Variants in PLEKHA4 observed in about 807,000 individuals in gnomAD.
The protein encoded by PLEKHA4 is pleckstrin homology domain containing A4, also known as pleckstrin homology domain-containing family A member 4.
Under a neutral mutation model 94.7 loss-of-function variants are expected in PLEKHA4, and 73 were observed. The observed-to-expected ratio is 0.77, with a 90% CI of 0.64 to 0.94. PLEKHA4 has a LOEUF of 0.94. Ranked by LOEUF, PLEKHA4 falls within the 40% of genes least tolerant of loss-of-function variation. The pLI, the probability that PLEKHA4 is intolerant of heterozygous loss-of-function variation, is 0.00. For synonymous variants in PLEKHA4, 449 were observed against 437.1 expected (o/e 1.03, Z -0.34); for missense variants, 1,049 against 1,054.1 (o/e 1.00, Z 0.07).
chr19:48,867,405 G>T lies in PLEKHA4; in HGVS notation c.84+132C>A. 1 of 1,005,502 alleles carries T rather than the reference G, an allele frequency of 9.9e-7. No individual in the cohort carries two copies. Among genetic ancestry groups the T allele is most frequent in the Non-Finnish European group, 1.5e-6 (1 of 689,174 alleles). 62.3% of individuals were successfully genotyped at this position (1,005,502 alleles called of 1,614,324 possible). A position where few individuals can be genotyped will look rare whatever the true frequency, so the allele number is the denominator to read the frequency against. On this transcript the variant is annotated intron_variant, in intron 2 of 19. Transcript: ENST00000263265. This position sits in a 1 kb window ranked among gnomAD's most constrained non-coding sequence, Gnocchi z 4.7. ...CCTAGCTGCGGTGTGTAGGCAATTT[G>T]GGACCTTACTATGTCTGGCAGACCC...
chr19:48,845,385 T>C lies in PLEKHA4; in HGVS notation c.1728A>G (p.Pro576=). Residue 576 remains proline, a synonymous_variant, in exon 16 of 20, where the codon CCA becomes CCG. Transcript: ENST00000263265. ...SSPEGRHLPS[P]QLGTKAPVAR... is the part of the protein sequence containing the mutation. Reference sequence around the variant, plus strand: ...TACAGCTTACCTTGGTTCCTAGCTGTGGGGAAGGGAGGTGGCGACCCTCAG... The same window carrying C: ...TACAGCTTACCTTGGTTCCTAGCTGCGGGGAAGGGAGGTGGCGACCCTCAG... 2 of 1,612,942 alleles carry C rather than the reference T, an allele frequency of 1.2e-6. No individual in the cohort carries two copies. The highest frequency in any genetic ancestry group is 1.7e-6 in the Non-Finnish European group (2 of 1,179,938).
At chr19:48,861,745 G>A in intron 3 of PLEKHA4, 53 bp from the exon 4 acceptor site, 6 of 1,491,924 alleles carry the variant, frequency 4.0e-6, no homozygotes, top group Admixed American at 1.7e-5. Flanking sequence ...AGAAAAAGGG[G>A]ATGAAGGCAG....
rs558355200 is a variant in PLEKHA4 at position 48,837,466 on chromosome 19, G to T, written c.2163C>A (p.Pro721=). The T allele has an allele frequency of 3.1e-6, 5 of 1,613,060 alleles. No homozygotes were observed. In the Admixed American group the frequency reaches 6.7e-5, roughly 22 times the overall value. ...CCGAATTAGCCACCGGGGGAGATCTGGGGGGAGGGGTCTCCTGGCGCGTGG... is the reference window on the plus strand; with the variant it reads ...CCGAATTAGCCACCGGGGGAGATCTTGGGGGAGGGGTCTCCTGGCGCGTGG... ...SDPTRQETPP[P]RSPPVANSGS... The change falls in exon 20 of 20, where the codon CCC becomes CCA. Residue 721 remains proline, a synonymous_variant. Transcript: ENST00000263265. This position sits in a 1 kb window ranked among gnomAD's most constrained non-coding sequence, Gnocchi z 4.3.
intron 3 of PLEKHA4, 143 bp from the exon 4 acceptor site, chr19:48,861,835 G>T (rs1415473579): frequency 5.1e-6 from 4 of 781,500 alleles, no homozygotes; most frequent in Non-Finnish European, 8.6e-6. Context: ...GATCAAGAGA[G>T]TGGGGTGAGG....
Position 48,837,290 on chromosome 19 carries a change from T to C in PLEKHA4, c.2339A>G (p.Ter780=), listed in dbSNP as rs1178913167. ...LRVTLLQSSF[*] is the part of the protein sequence containing the mutation. ...GATTGGCTGCCGCTTTTGGGCGGAT[T>C]AGAAGCTGGATTGTAGCAGAGTGAC... The change falls in exon 20 of 20, where the codon TAA becomes TGA. Residue 780 remains the stop codon, a stop_retained_variant. Coordinates refer to ENST00000263265, the MANE Select transcript of PLEKHA4 (RefSeq NM_020904.3). This position sits in a 1 kb window ranked among gnomAD's most constrained non-coding sequence, Gnocchi z 4.3. 2.5e-6 allele frequency: 4 copies of C among 1,613,974 alleles called. No homozygotes were observed. The South Asian group carries it at 3.3e-5, about 13-fold the overall frequency.
intron 10 of PLEKHA4, 21 bp downstream of exon 10, chr19:48,854,196 A>G (rs1442853157): frequency 6.2e-7 from 1 of 1,613,752 alleles, no homozygotes; most frequent in East Asian, 2.2e-5. Context: ...CTCAGCAAGG[A>G]TTAGATCAGT....
chr19:48,856,321 C>T (rs867456592), intron 9 of PLEKHA4, among the ~76,000 whole-genome samples: 6 of 131,478 alleles, frequency 4.6e-5, no homozygotes, highest in Admixed American at 3.0e-4. Context: ...CGGTGGCTCA[C>T]GCCTGTAATC....
intron 15 of PLEKHA4, 34 bp downstream of exon 15, chr19:48,845,483 T>C (rs2035932761): frequency 6.2e-7 from 1 of 1,613,272 alleles, no homozygotes; most frequent in Non-Finnish European, 8.5e-7. Flanking sequence ...AGGACGGGAA[T>C]TTCCGTAAAG....
Position 48,857,488 on chromosome 19 carries a change from A to C in PLEKHA4, c.981T>G (p.Ser327=), listed in dbSNP as rs779556109. Residue 327 remains serine, a synonymous_variant, in exon 9 of 20, where the codon TCT becomes TCG. Transcript: ENST00000263265. ...WSQEPRTQAH[S]GSPTYLQLPP... ...GGAGCTGGAGATAAGTGGGGGAGCC[A>C]GAGTGTGCCTGGGAGGAACGTTGAA... 4.5e-6 allele frequency: 7 copies of C among 1,557,736 alleles called. No individual in the cohort carries two copies. The South Asian group carries it at 4.7e-5, about 10-fold the overall frequency.
rs1382939910 is a variant in PLEKHA4 at position 48,857,498 on chromosome 19, T to G, written c.973-2A>C. The G allele has an allele frequency of 6.5e-7, 1 of 1,549,566 alleles. No homozygotes were observed. The highest frequency in any genetic ancestry group is 1.2e-5 in the South Asian group (1 of 85,848). On this transcript the variant is annotated splice_acceptor_variant, in intron 8 of 19. Transcript: ENST00000263265. LOFTEE classifies it high-confidence loss of function. ...ATAAGTGGGGGAGCCAGAGTGTGCCTGGGAGGAACGTTGAAATGGAGATGT... is the reference window on the plus strand; with the variant it reads ...ATAAGTGGGGGAGCCAGAGTGTGCCGGGGAGGAACGTTGAAATGGAGATGT...
chr19:48,865,561 T>A lies in PLEKHA4; in HGVS notation c.134A>T (p.Asn45Ile). The change falls in exon 3 of 20, where the codon AAT (asparagine) becomes ATT (isoleucine). Residue 45 changes from asparagine (N) to isoleucine (I), a missense_variant. Physicochemically the swap from Asn to Ile is moderately radical, Grantham distance 149. Coordinates refer to ENST00000263265, the MANE Select transcript of PLEKHA4 (RefSeq NM_020904.3). ...NKIHAFGKRGNALRRDPNLPV... is the reference protein window; with the variant it reads ...NKIHAFGKRGIALRRDPNLPV... ...AAGGTTGGGATCCCTCCTGAGCGCA[T>A]TGCCTCTCTTCCCAAAGGCGTGGAT... 2 of 1,613,970 alleles carry A rather than the reference T, an allele frequency of 1.2e-6. No individual in the cohort carries two copies. Among genetic ancestry groups the A allele is most frequent in the Non-Finnish European group, 1.7e-6 (2 of 1,179,976 alleles).
rs532724867 is a variant in PLEKHA4 at position 48,854,056 on chromosome 19, C to T, written c.1127G>A (p.Arg376Gln). Reference protein sequence around the residue: ...TLLTKLCGQDRLLRRLQEEID... With the variant: ...TLLTKLCGQDQLLRRLQEEID... The stretch of plus-strand genomic sequence containing the variant: ...CTCCTCCTGCAGCCTCCGCAGAAGC[C>T]GGTCCTGCCCGCACAACTTGGTCAG... The change falls in exon 11 of 20, where the codon CGG becomes CAG. Residue 376 changes from arginine (R) to glutamine (Q), a missense_variant. Transcript: ENST00000263265. The T allele has an allele frequency of 1.9e-5, 30 of 1,614,160 alleles. No individual in the cohort carries two copies. The South Asian group carries it at 2.3e-4, about 12-fold the overall frequency.
At chr19:48,848,082 C>G in intron 13 of PLEKHA4, 42 bp from the exon 14 acceptor site, 1 of 1,601,252 alleles carries the variant, frequency 6.2e-7, no homozygotes, top group South Asian at 1.1e-5. Flanking sequence ...GGTGGGAAAA[C>G]GCAGGAGGGT....
intron 9 of PLEKHA4, among the ~76,000 whole-genome samples, chr19:48,856,155 G>A (rs1251034501): frequency 7.8e-5 from 11 of 141,648 alleles, no homozygotes; most frequent in Admixed American, 5.1e-4. Context: ...TGGGCAACAA[G>A]AGTGAAACTC....
intron 8 of PLEKHA4, 52 bp downstream of exon 8, chr19:48,858,808 C>A: frequency 6.2e-7 from 1 of 1,601,430 alleles, no homozygotes; most frequent in Non-Finnish European, 8.5e-7. Flanking sequence ...GGAAAGACAG[C>A]CCTGAGGCCT....
At chr19:48,861,319 T>C in intron 5 of PLEKHA4, 82 bp downstream of exon 5, 1 of 1,173,016 alleles carries the variant, frequency 8.5e-7, no homozygotes, top group Non-Finnish European at 1.3e-6. Flanking sequence ...TTGTTAGGAC[T>C]TGGAGTTTCC....
chr19:48,866,674 TG>T (rs1245798607), intron 2 of PLEKHA4, among the ~76,000 whole-genome samples: 10 of 152,026 alleles, frequency 6.6e-5, no homozygotes, highest in Admixed American at 1.3e-4. Flanking sequence ...GGAAGCAATT[TG>T]GGGATCAAGC....
At position 48,837,353 on chromosome 19, in the gene PLEKHA4, G is replaced by T. The variant is rs547824789; in HGVS notation, c.2276C>A (p.Pro759Gln). ...TGCCCCCTCGTCTTGTGGCAGGACCGGAGGGGCGATCCCGGCATCCCACGC... is the reference window on the plus strand; with the variant it reads ...TGCCCCCTCGTCTTGTGGCAGGACCTGAGGGGCGATCCCGGCATCCCACGC... Reference protein sequence around the residue: ...GPAWDAGIAPPVLPQDEGAWP... With the variant: ...GPAWDAGIAPQVLPQDEGAWP... The change falls in exon 20 of 20, where the codon CCG (proline) becomes CAG (glutamine). Residue 759 changes from proline (P) to glutamine (Q), a missense_variant. Coordinates refer to ENST00000263265, the MANE Select transcript of PLEKHA4 (RefSeq NM_020904.3). The surrounding 1 kb of genome is among the most constrained non-coding windows in gnomAD (Gnocchi z 4.3). The T allele has an allele frequency of 6.2e-6, 10 of 1,613,668 alleles. No individual in the cohort carries two copies. Among genetic ancestry groups the T allele is most frequent in the Non-Finnish European group, 8.5e-6 (10 of 1,180,024 alleles).
At position 48,859,601 on chromosome 19, in the gene PLEKHA4, T is replaced by C. The variant is rs2036558617; in HGVS notation, c.560A>G (p.Glu187Gly). The change falls in exon 7 of 20, where the codon GAA (glutamate) becomes GGA (glycine). Residue 187 changes from glutamate (E) to glycine (G), a missense_variant. Physicochemically the swap from Glu to Gly is moderately conservative, Grantham distance 98. Transcript: ENST00000263265. ...PGGPPEVSRGEEGRISESPEV... is the reference protein window; with the variant it reads ...PGGPPEVSRGGEGRISESPEV... Reference sequence around the variant, plus strand: ...CGGTGATTCTGAGATGCGCCCCTCTTCCCCTCTGCTCACCTCCGGGGGACC... The same window carrying C: ...CGGTGATTCTGAGATGCGCCCCTCTCCCCCTCTGCTCACCTCCGGGGGACC... 6.2e-7 allele frequency: 1 copy of C among 1,613,346 alleles called. No individual in the cohort carries two copies. Among genetic ancestry groups the C allele is most frequent in the South Asian group, 1.1e-5 (1 of 91,070 alleles).
Sources: gnomAD v4.1 joint callset for allele counts (sites outside exome capture counted in the v4.1 genomes callset) on GRCh38, gnomAD v4.1.1 for gene constraint, Gnocchi (gnomAD v3.1) non-coding constraint, MANE v1.5 for transcripts, NCBI Gene and HGNC (gene_info 2026-07-23, HGNC 2026-07-21) for gene names.